The following BRI3 variants were observed in gnomAD, a reference collection of about 807,000 sequenced individuals.
BRI3 encodes membrane protein BRI3.
A neutral mutation model predicts 12.8 loss-of-function variants in BRI3; 6 were observed. The observed-to-expected ratio is 0.47, with a 90% CI of 0.26 to 0.93. The LOEUF (loss-of-function observed/expected upper bound fraction) is 0.93, where lower values mean the gene tolerates loss of function less well. BRI3 is among the 40% of genes least tolerant of loss of function. The probability of loss-of-function intolerance (pLI) is 0.15; values close to 1 mark genes in which losing one functional copy is unlikely to be tolerated. For missense variants in BRI3, 134 were observed against 171.1 expected (o/e 0.78, Z 1.21); for synonymous variants, 91 against 76.1 (o/e 1.20, Z -1.02).
chr7:98,292,124 G>A (rs1274338768), downstream of BRI3: 2 of 155,596 alleles, frequency 1.3e-5, no homozygotes, highest in Non-Finnish European at 2.8e-5. Context: ...GAAGGAGCCT[G>A]AAGCATCGGC....
intron 1 of BRI3, 148 bp downstream of exon 1, chr7:98,282,085 G>A (rs1799536804): frequency 2.6e-6 from 3 of 1,168,490 alleles, no homozygotes; most frequent in Non-Finnish European, 3.3e-6. Flanking sequence ...CGGCGCCGCC[G>A]AGGGCCAGCC....
At chr7:98,304,896 C>T (rs1413848316), upstream of BRI3, among the ~76,000 whole-genome samples, 1 of 149,208 alleles carries the variant, frequency 6.7e-6, no homozygotes, top group African/African-American at 2.5e-5. Flanking sequence ...ATGGGGTTTC[C>T]CTCTTATTGT....
Position 98,291,238 on chromosome 7 carries a change from G to A in BRI3, c.373G>A (p.Ala125Thr), listed in dbSNP as rs143355417. The change falls in exon 3 of 3, where the codon GCT becomes ACT. Residue 125 changes from alanine to threonine, a missense_variant. Transcript: ENST00000297290. Reference protein sequence around the residue: ...RRCPNCGATFA With the variant: ...RRCPNCGATFT ...ATGCCCCAACTGTGGAGCCACCTTC[G>A]CTTAAAGGGAACACCAGGCCCGGCT... 41 of 1,613,022 alleles carry A rather than the reference G, an allele frequency of 2.5e-5. No homozygotes were observed. The highest frequency in any genetic ancestry group is 4.0e-5 in the African/African-American group (3 of 74,994).
chr7:98,303,983 AAAG>A (rs1177740621), upstream of BRI3, among the ~76,000 whole-genome samples: 1 of 152,226 alleles, frequency 6.6e-6, no homozygotes, highest in Non-Finnish European at 1.5e-5. Flanking sequence ...AGTCCACATG[AAAG>A]AAGGGCTGAA....
downstream of BRI3, among the ~76,000 whole-genome samples, chr7:98,294,507 G>A (rs1800105705): frequency 6.6e-6 from 1 of 152,194 alleles, no homozygotes; most frequent in South Asian, 2.1e-4. Context: ...GTGATGTCGG[G>A]AGCTCACATG....
At chr7:98,323,018 G>T in the BRI3 span, 2 of 152,250 alleles carry the variant, frequency 1.3e-5, no homozygotes, top group East Asian at 3.9e-4. Flanking sequence ...ATTTTACAGC[G>T]CTCTGACGGA....
At chr7:98,291,582 A>C (rs1584402259), downstream of BRI3, 3 of 1,052,788 alleles carry the variant, frequency 2.8e-6, no homozygotes, top group Non-Finnish European at 3.5e-6. Flanking sequence ...CTGGAACGAC[A>C]CCCCCATCGC....
At chr7:98,283,752 C>T (rs935446027) in intron 2 of BRI3, among the ~76,000 whole-genome samples, 2 of 152,186 alleles carry the variant, frequency 1.3e-5, no homozygotes, top group Admixed American at 6.5e-5. Context: ...CTGGTCCTGC[C>T]AGGAACAGCG....
chr7:98,304,158 G>A (rs1321311513), upstream of BRI3: 1 of 1,523,312 alleles, frequency 6.6e-7, no homozygotes, highest in Non-Finnish European at 8.8e-7. Flanking sequence ...GGGATGGCGA[G>A]TCCAGGACCC....
At chr7:98,312,425 C>G (rs1181256638), downstream of BRI3, among the ~76,000 whole-genome samples, 4 of 152,214 alleles carry the variant, frequency 2.6e-5, no homozygotes, top group Non-Finnish European at 5.9e-5. Context: ...CCTAGAGGAT[C>G]AGCTGTGTCT....
downstream of BRI3, chr7:98,292,184 A>AG (rs1196069715): frequency 6.2e-6 from 1 of 161,008 alleles, no homozygotes; most frequent in Non-Finnish European, 1.4e-5. Flanking sequence ...TCAGCCTCAT[A>AG]GGATACTACA....
intron 1 of BRI3, 78 bp downstream of exon 1, chr7:98,282,015 G>T: frequency 1.4e-5 from 18 of 1,307,092 alleles, no homozygotes; most frequent in Non-Finnish European, 1.7e-5. Flanking sequence ...TCCGGAGGCG[G>T]GTGGGGCCCG....
At chr7:98,297,086 C>T (rs990310345), downstream of BRI3, among the ~76,000 whole-genome samples, 2 of 152,228 alleles carry the variant, frequency 1.3e-5, no homozygotes, top group Non-Finnish European at 2.9e-5. Flanking sequence ...ACTAAGGCCA[C>T]GAAACCAGCA....
At chr7:98,283,512 C>T (rs1264005409) in intron 2 of BRI3, among the ~76,000 whole-genome samples, 1 of 143,758 alleles carries the variant, frequency 7.0e-6, no homozygotes. Flanking sequence ...CCAGCAGAAA[C>T]ATTAGCCTTT....
rs1256715648 is a variant in BRI3, at chr7:98,281,732, C to T, written c.-64C>T. 3 of 855,648 alleles carry T rather than the reference C, an allele frequency of 3.5e-6. No individual in the cohort carries two copies. The highest frequency in any genetic ancestry group is 1.9e-5 in the African/African-American group (1 of 53,898). The allele number at this position is 855,648 out of a possible 1,614,324, so 53.0% of individuals were successfully genotyped here. A position where few individuals can be genotyped will look rare whatever the true frequency, so the allele number is the denominator to read the frequency against. On this transcript the variant is annotated 5_prime_UTR_variant, in exon 1 of 3. Coordinates refer to ENST00000297290, the MANE Select transcript of BRI3 (RefSeq NM_015379.5). ...TCCGCCGCGTCCCCGCCGCCGCCGCCGCGTCCCCCGCCGGGGCCGACCGAG... is the reference window on the plus strand; with the variant it reads ...TCCGCCGCGTCCCCGCCGCCGCCGCTGCGTCCCCCGCCGGGGCCGACCGAG...
In BRI3 at chr7:98,291,206, A is replaced by G. The variant is rs771966921; in HGVS notation, c.341A>G (p.Lys114Arg). The G allele has an allele frequency of 1.5e-5, 25 of 1,613,620 alleles. No homozygotes were observed. Among genetic ancestry groups the G allele is most frequent in the Admixed American group, 5.0e-5 (3 of 60,002 alleles). Reference sequence around the variant, plus strand: ...TTCATTTGCTGTTTTGCCTTGAGGAAGCGACGATGCCCCAACTGTGGAGCC... The same window carrying G: ...TTCATTTGCTGTTTTGCCTTGAGGAGGCGACGATGCCCCAACTGTGGAGCC... ...FGFICCFALR[K>R]RRCPNCGATF... is the part of the protein sequence containing the mutation. Residue 114 changes from lysine (K) to arginine (R), a missense_variant, in exon 3 of 3, where the codon AAG (lysine) becomes AGG (arginine). By Grantham distance (26) the Lys-to-Arg change is conservative. Transcript: ENST00000297290.
intron 2 of BRI3, among the ~76,000 whole-genome samples, chr7:98,288,042 C>G (rs1562957869): frequency 6.6e-6 from 1 of 152,236 alleles, no homozygotes; most frequent in Non-Finnish European, 1.5e-5. Context: ...CTGGGGACCA[C>G]TCTGGGGGGT....
At chr7:98,307,768 C>A in exon 2 of BRI3, 1 of 1,614,248 alleles carries the variant, frequency 6.2e-7, no homozygotes, top group Middle Eastern at 1.6e-4. Flanking sequence ...TCTCCCTGTG[C>A]AAAGCTGAGT....
At chr7:98,315,663 C>T in the BRI3 span, 5 of 950,686 alleles carry the variant, frequency 5.3e-6, no homozygotes, top group African/African-American at 1.7e-5. Flanking sequence ...ATGACATGAG[C>T]ATCAGATAGC....
Sources: gnomAD v4.1 joint callset for allele counts (sites outside exome capture counted in the v4.1 genomes callset) on GRCh38, gnomAD v4.1.1 for gene constraint, MANE v1.5 for transcripts, NCBI Gene and HGNC (gene_info 2026-07-23, HGNC 2026-07-21) for gene names.